Variants in NRXN1 observed in about 807,000 individuals in gnomAD.
NRXN1 encodes neurexin-1.
In NRXN1, 39 loss-of-function variants were observed where a neutral mutation model predicts 150.9. That is an observed-to-expected ratio of 0.26 (90% confidence interval 0.20 to 0.34). The LOEUF is 0.34. Ranked by LOEUF, NRXN1 falls within the 10% of genes least tolerant of loss-of-function variation. The pLI is 1.00. For missense variants in NRXN1, 1,815 were observed against 1,949.9 expected, an observed-to-expected ratio of 0.93 and a Z score of 1.30; for synonymous variants, 924 against 757.0, an observed-to-expected ratio of 1.22 and a Z score of -3.62.
chr2:50,046,212 G>A (rs2152606450), intron 21 of NRXN1, among the ~76,000 whole-genome samples: 1 of 152,300 alleles, frequency 6.6e-6, no homozygotes, highest in South Asian at 2.1e-4. Flanking sequence ...GTCCAGGACT[G>A]TCCCAGCATT....
chr2:50,085,213 GA>G lies in NRXN1; in HGVS notation c.3718+6109del, dbSNP rs920628219. 9.2e-5 allele frequency among the ~76,000 whole-genome samples: 14 copies of G among 151,736 alleles called. 1 individual carries two copies. The highest frequency in any genetic ancestry group is 2.2e-4 in the African/African-American group (9 of 41,336). Reference sequence around the variant, plus strand: ...AGTATATTTTGGCTAAAAACCACCAGAAAAAAAATGCTTTGACCTAGAAGTT... The same window carrying G: ...AGTATATTTTGGCTAAAAACCACCAGAAAAAAATGCTTTGACCTAGAAGTT... On this transcript the variant is annotated intron_variant, in intron 19 of 22. Transcript: ENST00000401669.
rs1368238150 is a variant in NRXN1, at chr2:50,357,304, T to TTATTTATTTA, written c.3364+108137_3364+108138insTAAATAAATA. Among the ~76,000 whole-genome samples, 3 of 143,052 alleles carry TTATTTATTTA rather than the reference T, an allele frequency of 2.1e-5. No homozygotes were observed. In the South Asian group the frequency reaches 7.0e-4, roughly 33 times the overall value. 93.8% of individuals were successfully genotyped at this position (143,052 alleles called of 152,430 possible). On this transcript the variant is annotated intron_variant, in intron 17 of 22. Coordinates refer to ENST00000401669, the MANE Select transcript of NRXN1 (RefSeq NM_001330078.2). ...ATAATACATTTATTTATTTATTTAT[T>TTATTTATTTA]TTTTTTTTTATTTATTATTTTGAGA...
chr2:50,219,862 T>C (rs1158013190), intron 18 of NRXN1, among the ~76,000 whole-genome samples: 1 of 141,760 alleles, frequency 7.1e-6, no homozygotes, highest in African/African-American at 2.7e-5. Context: ...TGTACTCTAA[T>C]GAGACCTTGT....
At chr2:50,565,147 A>AG in intron 8 of NRXN1, among the ~76,000 whole-genome samples, 1 of 152,188 alleles carries the variant, frequency 6.6e-6, no homozygotes, top group East Asian at 1.9e-4. Context: ...CAGGCAGCTC[A>AG]GGTAGCTCAA....
chr2:50,952,257 A>G (rs1209417156), intron 2 of NRXN1, among the ~76,000 whole-genome samples: 1 of 152,060 alleles, frequency 6.6e-6, no homozygotes, highest in Non-Finnish European at 1.5e-5. Flanking sequence ...TGAGCCACGA[A>G]TAAATATATT....
At chr2:50,688,437 T>C (rs539269847) in intron 5 of NRXN1, among the ~76,000 whole-genome samples, 5 of 152,298 alleles carry the variant, frequency 3.3e-5, no homozygotes, top group Admixed American at 1.3e-4. Flanking sequence ...ACTCTTTTTA[T>C]GTCCTCTCTC....
rs370705952 is a variant in NRXN1 at position 49,965,316 on chromosome 2, G to T, written c.4129-21525C>A. Among the ~76,000 whole-genome samples, 29 of 152,152 alleles carry T rather than the reference G, an allele frequency of 1.9e-4. No individual in the cohort carries two copies. In the East Asian group the frequency reaches 4.7e-3, roughly 24 times the overall value. On this transcript the variant is annotated intron_variant, in intron 21 of 22. Transcript: ENST00000401669. ...GAGTGTGCCTCCGTCTCCCAGGCTG[G>T]AGTGTAATGGCTCCATCTCGGCTCA...
At chr2:50,829,094 T>C (rs1574626993) in intron 5 of NRXN1, among the ~76,000 whole-genome samples, 4 of 151,954 alleles carry the variant, frequency 2.6e-5, no homozygotes, top group East Asian at 3.9e-4. Flanking sequence ...TCAGGCGTGG[T>C]GGCACGTGCC....
intron 3 of NRXN1, among the ~76,000 whole-genome samples, chr2:50,923,209 T>C (rs1274053982): frequency 6.6e-6 from 1 of 151,884 alleles, no homozygotes; most frequent in African/African-American, 2.4e-5. Flanking sequence ...AAATGTCTCC[T>C]TGTCTGACAC....
chr2:51,019,300 A>AAAATTACC (rs1233797158), intron 2 of NRXN1, among the ~76,000 whole-genome samples: 1 of 152,128 alleles, frequency 6.6e-6, no homozygotes, highest in African/African-American at 2.4e-5. Context: ...GATATTTTAT[A>AAAATTACC]AAATTATCAA....
intron 13 of NRXN1, among the ~76,000 whole-genome samples, chr2:50,504,995 T>C (rs1186119054): frequency 6.6e-6 from 1 of 152,126 alleles, no homozygotes; most frequent in African/African-American, 2.4e-5. Context: ...CCTTAACTTC[T>C]CTTCTGAACT....
Position 50,981,895 on chromosome 2 carries a change from A to T in NRXN1, c.772+45607T>A, listed in dbSNP as rs554649801. Among the ~76,000 whole-genome samples, 44 of 151,930 alleles carry T rather than the reference A, an allele frequency of 2.9e-4. 1 individual carries two copies. Among genetic ancestry groups the T allele is most frequent in the African/African-American group, 1.0e-3 (43 of 41,440 alleles). ...AATCTACACAGAAAATTGAAAAAAAATTTTCACAATGGTTAATGGTATTAA... is the reference window on the plus strand; with the variant it reads ...AATCTACACAGAAAATTGAAAAAAATTTTTCACAATGGTTAATGGTATTAA... On this transcript the variant is annotated intron_variant, in intron 2 of 22. Transcript: ENST00000401669.
At chr2:50,370,139 G>T (rs758429767) in intron 17 of NRXN1, among the ~76,000 whole-genome samples, 1 of 151,844 alleles carries the variant, frequency 6.6e-6, no homozygotes, top group Non-Finnish European at 1.5e-5. Flanking sequence ...CCCATGTATT[G>T]TTATTCTATC....
At chr2:51,026,668 A>G (rs1300769582) in intron 2 of NRXN1, among the ~76,000 whole-genome samples, 5 of 152,190 alleles carry the variant, frequency 3.3e-5, no homozygotes, top group African/African-American at 1.2e-4. Flanking sequence ...CCAATCCAGC[A>G]ACATCTAAAT....
intron 18 of NRXN1, among the ~76,000 whole-genome samples, chr2:50,164,110 A>G (rs2059533798): frequency 6.6e-6 from 1 of 152,210 alleles, no homozygotes; most frequent in Non-Finnish European, 1.5e-5. Context: ...GATTAATTCC[A>G]TTATGACCAA....
At chr2:50,666,132 T>G (rs1484451624) in intron 5 of NRXN1, among the ~76,000 whole-genome samples, 1 of 152,000 alleles carries the variant, frequency 6.6e-6, no homozygotes, top group African/African-American at 2.4e-5. Flanking sequence ...TTTCTAGAAT[T>G]TAAGTAATTG....
At chr2:50,224,693 A>AAGAAAGAGAGAG (rs780883706) in intron 18 of NRXN1, among the ~76,000 whole-genome samples, 5 of 130,450 alleles carry the variant, frequency 3.8e-5, no homozygotes, top group African/African-American at 1.4e-4. Context: ...GAGAGGGAGA[A>AAGAAAGAGAGAG]AGAGAGAGAG....
rs150768616 is a variant in NRXN1 at position 50,479,917 on chromosome 2, G to C, written c.3071-7446C>G. 2.2e-3 allele frequency among the ~76,000 whole-genome samples: 336 copies of C among 152,008 alleles called. 1 individual carries two copies. The highest frequency in any genetic ancestry group is 7.8e-3 in the African/African-American group (323 of 41,482). On this transcript the variant is annotated intron_variant, in intron 15 of 22. Transcript: ENST00000401669. The stretch of plus-strand genomic sequence containing the variant: ...GCCTCCAGAGTAGCTGGGATTACAG[G>C]TCTATGCCATTACACCCGGCTAACT...
rs560847496 is a variant in NRXN1 at position 50,574,446 on chromosome 2, G to T, written c.1321-21421C>A. 2.6e-5 allele frequency among the ~76,000 whole-genome samples: 4 copies of T among 152,182 alleles called. No homozygotes were observed. In the East Asian group the frequency reaches 7.8e-4, roughly 30 times the overall value. On this transcript the variant is annotated intron_variant, in intron 8 of 22. Transcript: ENST00000401669. ...GCACGTTTGGAAACTGAACGGTTCAGCATATCTCTAATAAAAAAATCATCT... is the reference window on the plus strand; with the variant it reads ...GCACGTTTGGAAACTGAACGGTTCATCATATCTCTAATAAAAAAATCATCT...
Sources: gnomAD v4.1 joint callset for allele counts (sites outside exome capture counted in the v4.1 genomes callset) on GRCh38, gnomAD v4.1.1 for gene constraint, MANE v1.5 for transcripts, NCBI Gene and HGNC (gene_info 2026-07-23, HGNC 2026-07-21) for gene names.